MYOF: variants seen among roughly 807,000 people sequenced by gnomAD.
MYOF encodes the protein fer-1-like 3, myoferlin.
In MYOF, 244 loss-of-function variants were observed where a neutral mutation model predicts 284.2. The ratio of observed to expected loss-of-function variants is 0.86; its 90% confidence interval spans 0.77 to 0.95. The LOEUF is 0.95. Ranked by LOEUF, MYOF falls within the 40% of genes least tolerant of loss-of-function variation. The probability of loss-of-function intolerance (pLI) is 0.00; values close to 1 mark genes in which losing one functional copy is unlikely to be tolerated. For synonymous variants in MYOF, 904 were observed against 919.7 expected (o/e 0.98, Z 0.31); for missense variants, 2,496 against 2,560.6 (o/e 0.97, Z 0.54).
intron 5 of MYOF, among the ~76,000 whole-genome samples, chr10:93,421,608 AATGAGTTCACCTG>A (rs2134172731): frequency 6.6e-6 from 1 of 152,288 alleles, no homozygotes; most frequent in East Asian, 1.9e-4. Flanking sequence ...CGCAGTAATG[AATGAGTTCACCTG>A]AGAGCTGGTT....
intron 45 of MYOF, among the ~76,000 whole-genome samples, chr10:93,326,176 C>T (rs1190514559): frequency 6.6e-6 from 1 of 152,196 alleles, no homozygotes; most frequent in African/African-American, 2.4e-5. Flanking sequence ...AACTTGTGGA[C>T]TGCCAATAGT....
At chr10:93,347,243 C>T (rs952356192) in intron 37 of MYOF, among the ~76,000 whole-genome samples, 2 of 152,180 alleles carry the variant, frequency 1.3e-5, no homozygotes, top group African/African-American at 4.8e-5. Context: ...AAGAGTAAAT[C>T]AGAGCCATGC....
intron 2 of MYOF, among the ~76,000 whole-genome samples, chr10:93,453,065 T>C (rs2134310256): frequency 6.6e-6 from 1 of 152,248 alleles, no homozygotes; most frequent in African/African-American, 2.4e-5. Flanking sequence ...GAAGGAAAAC[T>C]TGTTTCAGAA....
chr10:93,341,156 A>G (rs183385388), intron 38 of MYOF, among the ~76,000 whole-genome samples: 35 of 152,318 alleles, frequency 2.3e-4, no homozygotes, highest in Non-Finnish European at 3.5e-4. Flanking sequence ...GAGATTTTGG[A>G]GAGAGTGATT....
chr10:93,384,646 GAA>G (rs74741758), intron 19 of MYOF, among the ~76,000 whole-genome samples: 97,535 of 142,594 alleles, frequency 0.68, 33,192 homozygotes, highest in East Asian at 0.97. Flanking sequence ...CTCTGTCTCA[GAA>G]AAAAAAAAAA....
At chr10:93,473,274 C>A (rs909756665) in intron 1 of MYOF, among the ~76,000 whole-genome samples, 5 of 152,362 alleles carry the variant, frequency 3.3e-5, no homozygotes, top group Admixed American at 6.5e-5. Flanking sequence ...CAGAAGGCTG[C>A]CCTGTGAGTA....
intron 53 of MYOF, among the ~76,000 whole-genome samples, chr10:93,307,793 T>C (rs1350276510): frequency 6.6e-6 from 1 of 150,620 alleles, no homozygotes; most frequent in African/African-American, 2.4e-5. Flanking sequence ...CTCTGCTAAT[T>C]TTTAAATTTT....
chr10:93,370,314 ATTTTT>A (rs916555324), intron 24 of MYOF, among the ~76,000 whole-genome samples: 3 of 122,462 alleles, frequency 2.4e-5, no homozygotes, highest in Admixed American at 1.7e-4. Context: ...ATGATTACTA[ATTTTT>A]TTTTTTTTTT....
intron 1 of MYOF, among the ~76,000 whole-genome samples, chr10:93,462,868 A>G (rs1003519704): frequency 7.9e-5 from 12 of 152,038 alleles, no homozygotes; most frequent in African/African-American, 2.9e-4. Context: ...CTGAACATCA[A>G]ATTGAATTAC....
At chr10:93,343,211 T>A (rs1368520513) in intron 38 of MYOF, among the ~76,000 whole-genome samples, 1 of 152,178 alleles carries the variant, frequency 6.6e-6, no homozygotes, top group African/African-American at 2.4e-5. Context: ...GGGCTGAGGC[T>A]TTTTGCCCCC....
rs575914623 is a variant in MYOF, at chr10:93,428,510, T to A, written c.346-2352A>T. 2.6e-5 allele frequency among the ~76,000 whole-genome samples: 4 copies of A among 151,926 alleles called. No individual in the cohort carries two copies. The East Asian group carries it at 7.8e-4, about 30-fold the overall frequency. ...CGTGAGCCACCTTGCCCAGCCTGTA[T>A]GTGAATTTAAATACACATCCTATGC... On this transcript the variant is annotated intron_variant, in intron 4 of 53. Coordinates refer to ENST00000359263, the MANE Select transcript of MYOF (RefSeq NM_013451.4).
chr10:93,420,844 GA>G (rs1371014946), intron 5 of MYOF, among the ~76,000 whole-genome samples: 2 of 152,162 alleles, frequency 1.3e-5, no homozygotes, highest in African/African-American at 2.4e-5. Flanking sequence ...CAAATTTTAA[GA>G]ATTTGAAAAT....
intron 5 of MYOF, among the ~76,000 whole-genome samples, chr10:93,413,195 T>C (rs1000266449): frequency 1.3e-5 from 2 of 152,202 alleles, no homozygotes; most frequent in African/African-American, 2.4e-5. Context: ...TCTCAGTGGA[T>C]GCTCTAGAAT....
rs58265467 is a variant in MYOF, at chr10:93,463,135, C to A, written c.89-6198G>T. ...CGGAGGTCACCACTGCAGTAATTAA[C>A]CCCAATGCCAGCCTCCAAACAAGGT... On this transcript the variant is annotated intron_variant, in intron 1 of 53. Transcript: ENST00000359263. 2.4e-3 allele frequency among the ~76,000 whole-genome samples: 358 copies of A among 152,288 alleles called. 2 individuals carry two copies. The highest frequency in any genetic ancestry group is 8.4e-3 in the African/African-American group (349 of 41,558).
chr10:93,366,639 G>A (rs1458756281), intron 25 of MYOF, 84 bp from the exon 26 acceptor site: 3 of 1,214,992 alleles, frequency 2.5e-6, no homozygotes, highest in Non-Finnish European at 2.3e-6. Context: ...GTTCATCGAG[G>A]ACTTAGGCTA....
At chr10:93,481,565 A>G (rs73323437) in intron 1 of MYOF, among the ~76,000 whole-genome samples, 1,977 of 152,284 alleles carry the variant, frequency 0.013, 36 homozygotes, top group African/African-American at 0.045. Flanking sequence ...TGTACAAAAA[A>G]AGCTCCCCAA....
intron 1 of MYOF, among the ~76,000 whole-genome samples, chr10:93,479,556 G>A (rs900297021): frequency 9.9e-5 from 15 of 152,104 alleles, no homozygotes; most frequent in Non-Finnish European, 1.9e-4. Context: ...AGCACCTAAG[G>A]CAATGCATTT....
rs191577423 is a variant in MYOF at position 93,411,459 on chromosome 10, A to G, written c.434-1720T>C. On this transcript the variant is annotated intron_variant, in intron 5 of 53. Coordinates refer to ENST00000359263, the MANE Select transcript of MYOF (RefSeq NM_013451.4). ...CACCTCCCTAAAGGCCTCACTGCCT[A>G]ATATCATCACGTTCAGGGTTAGGAT... Among the ~76,000 whole-genome samples, 93 of 152,304 alleles carry G rather than the reference A, an allele frequency of 6.1e-4. 1 individual carries two copies. Among genetic ancestry groups the G allele is most frequent in the African/African-American group, 1.9e-3 (80 of 41,570 alleles).
intron 4 of MYOF, among the ~76,000 whole-genome samples, chr10:93,428,772 A>G (rs778956585): frequency 5.9e-5 from 9 of 152,226 alleles, no homozygotes; most frequent in Non-Finnish European, 1.0e-4. Context: ...TAAGAGCAGC[A>G]TCTCATGGCT....
Sources: allele counts gnomAD v4.1 joint callset (sites outside exome capture counted in the v4.1 genomes callset), GRCh38; gene constraint gnomAD v4.1.1; transcripts MANE v1.5; gene names NCBI Gene and HGNC (gene_info 2026-07-23, HGNC 2026-07-21).